Variants in COL5A2 observed in about 807,000 individuals in gnomAD.
COL5A2 encodes the protein collagen type V alpha 2 chain.
A neutral mutation model predicts 208.2 loss-of-function variants in COL5A2; 23 were observed. That is an observed-to-expected ratio of 0.11 (90% CI 0.08 to 0.16). The LOEUF is 0.16. Among genes scored for constraint, COL5A2 ranks in the 10% least tolerant of loss-of-function variants. The pLI is 1.00. For synonymous variants in COL5A2, 625 were observed against 628.5 expected (o/e 0.99, Z 0.08); for missense variants, 1,590 against 1,956.4 (o/e 0.81, Z 3.53).
chr2:189,035,106 G>C lies in COL5A2; in HGVS notation c.4163C>G (p.Thr1388Ser), dbSNP rs771415085. 5.0e-6 allele frequency: 8 copies of C among 1,613,722 alleles called. No homozygotes were observed. The African/African-American group carries it at 6.7e-5, about 13-fold the overall frequency. The change falls in exon 53 of 54, where the codon ACT (threonine) becomes AGT (serine). Residue 1388 changes from threonine to serine, a missense_variant. Physicochemically the swap from Thr to Ser is moderately conservative, Grantham distance 58. Transcript: ENST00000374866. Reference protein sequence around the residue: ...QSPNTAITQMTFLRLLSKEAS... With the variant: ...QSPNTAITQMSFLRLLSKEAS... Reference sequence around the variant, plus strand: ...TTCTTTTGATAAAAGGCGCAAAAAAGTCATCTGAGTAATGGCTGTATTAGG... The same window carrying C: ...TTCTTTTGATAAAAGGCGCAAAAAACTCATCTGAGTAATGGCTGTATTAGG...
At chr2:189,341,236 T>C in the COL5A2 span, among the ~76,000 whole-genome samples, 10 of 152,160 alleles carry the variant, frequency 6.6e-5, no homozygotes, top group African/African-American at 2.4e-4. Flanking sequence ...GTGACTAACA[T>C]GTAGAGTCAC....
chr2:189,162,179 T>G (rs180752277), intron 1 of COL5A2, among the ~76,000 whole-genome samples: 222 of 152,322 alleles, frequency 1.5e-3, no homozygotes, highest in African/African-American at 4.9e-3. Context: ...CAAAGTATTA[T>G]CCTTGTTTTA....
chr2:189,438,425 A>T, the COL5A2 span, among the ~76,000 whole-genome samples: 1 of 152,248 alleles, frequency 6.6e-6, no homozygotes, highest in Admixed American at 6.5e-5. Flanking sequence ...TGTTTAGAGA[A>T]GTATTATGCA....
chr2:189,370,321 A>G, the COL5A2 span, among the ~76,000 whole-genome samples: 144 of 152,326 alleles, frequency 9.5e-4, no homozygotes, highest in Non-Finnish European at 1.8e-3. Flanking sequence ...GCAGAACAAC[A>G]ATAAAAATAT....
chr2:189,288,343 C>T, the COL5A2 span, among the ~76,000 whole-genome samples: 3 of 152,020 alleles, frequency 2.0e-5, no homozygotes, highest in Non-Finnish European at 2.9e-5. Context: ...CTTGTTAAGT[C>T]CTTGAAAGTA....
At chr2:189,219,816 C>A (rs941572194) in intron 1 of COL5A2, among the ~76,000 whole-genome samples, 1 of 152,090 alleles carries the variant, frequency 6.6e-6, no homozygotes, top group Non-Finnish European at 1.5e-5. Flanking sequence ...GGCCTAGCAT[C>A]TGGGAGCTAT....
At chr2:189,284,190 T>C in the COL5A2 span, among the ~76,000 whole-genome samples, 4 of 152,270 alleles carry the variant, frequency 2.6e-5, no homozygotes, top group Admixed American at 2.6e-4. Context: ...AACAAAAGTG[T>C]TTTAATTCTA....
At chr2:189,158,154 T>C (rs575055870) in intron 1 of COL5A2, among the ~76,000 whole-genome samples, 7 of 152,178 alleles carry the variant, frequency 4.6e-5, no homozygotes, top group African/African-American at 1.4e-4. Context: ...GCTACAGATA[T>C]GTGCAATGAC....
intron 2 of COL5A2, among the ~76,000 whole-genome samples, chr2:189,105,648 T>TCTTCAC (rs1576530440): frequency 1.3e-5 from 2 of 151,654 alleles, no homozygotes; most frequent in East Asian, 1.9e-4. Flanking sequence ...TTGCTCATTT[T>TCTTCAC]TTGTGTCACA....
the COL5A2 span, among the ~76,000 whole-genome samples, chr2:189,411,998 G>C: frequency 6.6e-6 from 1 of 152,040 alleles, no homozygotes; most frequent in Non-Finnish European, 1.5e-5. Flanking sequence ...AAAGAAGCTA[G>C]GGAACTGTTT....
At chr2:189,055,823 T>C (rs1020466679) in intron 35 of COL5A2, among the ~76,000 whole-genome samples, 5 of 152,216 alleles carry the variant, frequency 3.3e-5, no homozygotes, top group Admixed American at 2.0e-4. Context: ...ATAGGCACAA[T>C]TGATATGTAT....
At chr2:189,100,257 C>G (rs1687021759) in intron 3 of COL5A2, 118 bp from the exon 4 acceptor site, 1 of 727,582 alleles carries the variant, frequency 1.4e-6, no homozygotes, top group Non-Finnish European at 2.4e-6. Context: ...GTAAGAAATG[C>G]AAAAAACTAC....
chr2:189,440,241 C>G, the COL5A2 span, among the ~76,000 whole-genome samples: 1 of 152,188 alleles, frequency 6.6e-6, no homozygotes, highest in Non-Finnish European at 1.5e-5. Context: ...CATAAATAAA[C>G]TTATAGGTAT....
intron 1 of COL5A2, among the ~76,000 whole-genome samples, chr2:189,205,383 A>G (rs1187577677): frequency 2.0e-5 from 3 of 152,230 alleles, no homozygotes; most frequent in Non-Finnish European, 4.4e-5. Flanking sequence ...TGAGTAGCAG[A>G]AAAGGAATAT....
chr2:189,274,854 T>C, the COL5A2 span, among the ~76,000 whole-genome samples: 1 of 152,174 alleles, frequency 6.6e-6, no homozygotes, highest in Non-Finnish European at 1.5e-5. Flanking sequence ...GTTAACCTAC[T>C]CAGTAATAAA....
the COL5A2 span, among the ~76,000 whole-genome samples, chr2:189,261,754 G>T: frequency 2.6e-5 from 4 of 152,140 alleles, no homozygotes; most frequent in African/African-American, 9.7e-5. Flanking sequence ...TTGGCCAGTT[G>T]CTGGGGCAAA....
At chr2:189,290,463 A>G in the COL5A2 span, among the ~76,000 whole-genome samples, 1 of 152,152 alleles carries the variant, frequency 6.6e-6, no homozygotes, top group African/African-American at 2.4e-5. Context: ...AATGCCCAGT[A>G]ATGTAGAATG....
At chr2:189,076,958 C>T (rs772807132) in intron 16 of COL5A2, among the ~76,000 whole-genome samples, 34 of 151,984 alleles carry the variant, frequency 2.2e-4, no homozygotes, top group Non-Finnish European at 3.8e-4. Context: ...ACCTGTAGTC[C>T]CAGCTATTTG....
intron 6 of COL5A2, among the ~76,000 whole-genome samples, chr2:189,096,802 G>A (rs1686927093): frequency 6.6e-6 from 1 of 152,086 alleles, no homozygotes; most frequent in African/African-American, 2.4e-5. Context: ...GTCTAGTAAT[G>A]GGATTGCTGA....
Sources: allele counts gnomAD v4.1 joint callset (sites outside exome capture counted in the v4.1 genomes callset), GRCh38; gene constraint gnomAD v4.1.1; transcripts MANE v1.5; gene names NCBI Gene and HGNC (gene_info 2026-07-23, HGNC 2026-07-21).